CGNL1: variants seen among roughly 807,000 people sequenced by gnomAD.
CGNL1 encodes cingulin-like protein 1.
In CGNL1, 132 loss-of-function variants were observed where a neutral mutation model predicts 141.2. The ratio of observed to expected loss-of-function variants is 0.93; its 90% CI spans 0.81 to 1.08. CGNL1 has a LOEUF of 1.08. Among genes scored for constraint, CGNL1 ranks in the 50% least tolerant of loss-of-function variants. The pLI is 0.00. For synonymous variants in CGNL1, 690 were observed against 622.1 expected, an observed-to-expected ratio of 1.11 and a Z score of -1.63; for missense variants, 1,870 against 1,588.6, an observed-to-expected ratio of 1.18 and a Z score of -3.01.
chr15:57,511,601 G>A (rs142724954), intron 8 of CGNL1, among the ~76,000 whole-genome samples: 2 of 152,164 alleles, frequency 1.3e-5, no homozygotes, highest in African/African-American at 4.8e-5. Flanking sequence ...ATGAGAATAC[G>A]TTTCCTCACA....
chr15:57,545,964 C>T (rs188785100), intron 17 of CGNL1, 112 bp from the exon 18 acceptor site: 49 of 1,197,166 alleles, frequency 4.1e-5, no homozygotes, highest in Non-Finnish European at 2.9e-5. Flanking sequence ...GACTGGCTGC[C>T]CCATTGCCCA....
rs11332989 is a variant in CGNL1, at chr15:57,465,383, C to CTTTT, written c.2403+3513_2403+3516dup. Among the ~76,000 whole-genome samples the CTTTT allele has an allele frequency of 7.0e-4, 57 of 80,854 alleles. 2 individuals carry two copies. Among genetic ancestry groups the CTTTT allele is most frequent in the African/African-American group, 2.6e-3 (52 of 19,690 alleles). The allele number at this position is 80,854 out of a possible 152,430, so 53.0% of individuals were successfully genotyped here. A position where few individuals can be genotyped will look rare whatever the true frequency, so the allele number is the denominator to read the frequency against. ...ACCAACCACTATGGCTAAAAACTGA[C>CTTTT]TTTTTTTTTTTTTTTTTTTTTTTTT... On this transcript the variant is annotated intron_variant, in intron 8 of 18. Transcript: ENST00000281282.
At chr15:57,475,490 GTGGTGTGTGTGT>G (rs1567141413) in intron 8 of CGNL1, among the ~76,000 whole-genome samples, 1 of 118,680 alleles carries the variant, frequency 8.4e-6, no homozygotes, top group Admixed American at 9.7e-5. Context: ...ATATACAAGT[GTGGTGTGTGTGT>G]GTGTGTGTGT....
chr15:57,535,866 A>G (rs559685940), intron 14 of CGNL1, among the ~76,000 whole-genome samples: 1 of 152,328 alleles, frequency 6.6e-6, no homozygotes, highest in East Asian at 1.9e-4. Context: ...AAGGCTGTGT[A>G]AGATGGTGTA....
chr15:57,527,523 G>GGC (rs2031686816), intron 12 of CGNL1: 1 of 152,410 alleles, frequency 6.6e-6, no homozygotes, highest in African/African-American at 2.4e-5. Context: ...GACAGCCTGC[G>GGC]GCTTCACCAG....
intron 4 of CGNL1, among the ~76,000 whole-genome samples, chr15:57,449,255 G>A (rs1459353300): frequency 5.3e-5 from 8 of 152,198 alleles, no homozygotes; most frequent in Admixed American, 3.3e-4. Flanking sequence ...TTTATTGTAG[G>A]TTCTTGGAAC....
chr15:57,456,046 C>T (rs1319413097), intron 7 of CGNL1, among the ~76,000 whole-genome samples: 2 of 152,168 alleles, frequency 1.3e-5, no homozygotes, highest in Admixed American at 6.5e-5. Flanking sequence ...GAAAATCACC[C>T]TCTGTTTTTA....
At chr15:57,477,150 G>GC (rs11427816) in intron 8 of CGNL1, among the ~76,000 whole-genome samples, 4,558 of 152,206 alleles carry the variant, frequency 0.03, 187 homozygotes, top group African/African-American at 0.087. Context: ...GGCTGGACGT[G>GC]CTTCAAAGAC....
At chr15:57,424,191 C>T (rs1013572667) in intron 1 of CGNL1, among the ~76,000 whole-genome samples, 2 of 152,204 alleles carry the variant, frequency 1.3e-5, no homozygotes, top group Non-Finnish European at 2.9e-5. Context: ...ATTTGTCTAG[C>T]ACGTTTCTCC....
chr15:57,467,679 T>C (rs1366931893), intron 8 of CGNL1, among the ~76,000 whole-genome samples: 4 of 145,768 alleles, frequency 2.7e-5, no homozygotes, highest in African/African-American at 7.5e-5. Context: ...TTTTTAAGAG[T>C]CTCTGTCTTT....
chr15:57,457,793 C>T (rs534520526), intron 7 of CGNL1, among the ~76,000 whole-genome samples: 1 of 152,166 alleles, frequency 6.6e-6, no homozygotes, highest in South Asian at 2.1e-4. Flanking sequence ...TGGGCTCCTC[C>T]CTCAACATGA....
At chr15:57,392,743 C>A (rs553153230) in intron 1 of CGNL1, among the ~76,000 whole-genome samples, 3 of 152,280 alleles carry the variant, frequency 2.0e-5, no homozygotes, top group African/African-American at 7.2e-5. Context: ...AGGCAAGAAA[C>A]CACCATCTCA....
chr15:57,505,346 G>A (rs1230924635), intron 8 of CGNL1, among the ~76,000 whole-genome samples: 1 of 152,180 alleles, frequency 6.6e-6, no homozygotes, highest in Non-Finnish European at 1.5e-5. Context: ...AGAAAGCTGA[G>A]CTGTGATTTA....
intron 8 of CGNL1, among the ~76,000 whole-genome samples, chr15:57,471,728 C>G (rs2063584222): frequency 6.6e-6 from 1 of 152,148 alleles, no homozygotes; most frequent in Admixed American, 6.5e-5. Flanking sequence ...TCAAACCACT[C>G]AGATTTCGTG....
chr15:57,399,768 G>A (rs1398619070), intron 1 of CGNL1, among the ~76,000 whole-genome samples: 9 of 152,036 alleles, frequency 5.9e-5, no homozygotes, highest in African/African-American at 2.2e-4. Context: ...CTCTGGGCGG[G>A]GAGCCTCCAG....
chr15:57,430,652 G>T (rs1213480572), intron 1 of CGNL1, among the ~76,000 whole-genome samples: 2 of 152,172 alleles, frequency 1.3e-5, no homozygotes, highest in Non-Finnish European at 2.9e-5. Context: ...GCTTCTTGGG[G>T]GAGAGCCACT....
At chr15:57,476,552 G>C (rs2152353249) in intron 8 of CGNL1, among the ~76,000 whole-genome samples, 1 of 152,328 alleles carries the variant, frequency 6.6e-6, no homozygotes, top group East Asian at 1.9e-4. Flanking sequence ...GAAGAATTCA[G>C]TAGAAACCAT....
chr15:57,508,749 C>CCTCA (rs2029954617), intron 8 of CGNL1, among the ~76,000 whole-genome samples: 1 of 152,220 alleles, frequency 6.6e-6, no homozygotes, highest in Non-Finnish European at 1.5e-5. Flanking sequence ...TCAGCCTAGA[C>CCTCA]CTCACTACTC....
chr15:57,496,210 A>C (rs1163310098), intron 8 of CGNL1, among the ~76,000 whole-genome samples: 2 of 152,218 alleles, frequency 1.3e-5, no homozygotes, highest in Non-Finnish European at 2.9e-5. Context: ...GTAGGGCCTT[A>C]AAACCAAAAC....
Sources: allele counts gnomAD v4.1 joint callset (sites outside exome capture counted in the v4.1 genomes callset), GRCh38; gene constraint gnomAD v4.1.1; transcripts MANE v1.5; gene names NCBI Gene and HGNC (gene_info 2026-07-23, HGNC 2026-07-21).